Variants in MPDZ observed in about 807,000 individuals in gnomAD.
The protein encoded by MPDZ is multiple PDZ domain protein.
In MPDZ, 234 loss-of-function variants were observed where a neutral mutation model predicts 239.1. That is an observed-to-expected ratio of 0.98 (90% CI 0.88 to 1.09). The LOEUF is 1.09. MPDZ is among the 50% of genes least tolerant of loss of function. The pLI is 0.00. For synonymous variants in MPDZ, 1,048 were observed against 881.3 expected (o/e 1.19, Z -3.35); for missense variants, 3,175 against 2,510.0 (o/e 1.26, Z -5.66).
chr9:13,186,190 A>G, intron 18 of MPDZ, 80 bp downstream of exon 18: 1 of 663,190 alleles, frequency 1.5e-6, no homozygotes. Context: ...AATATAATAG[A>G]CTTCTTCAGA....
chr9:13,261,194 A>C (rs1970601124), intron 1 of MPDZ, among the ~76,000 whole-genome samples: 1 of 152,222 alleles, frequency 6.6e-6, no homozygotes, highest in African/African-American at 2.4e-5. Context: ...CAGAGTTATG[A>C]GACAGCAAAA....
intron 3 of MPDZ, among the ~76,000 whole-genome samples, chr9:13,241,686 G>A (rs1003770982): frequency 6.6e-6 from 1 of 152,162 alleles, no homozygotes; most frequent in Non-Finnish European, 1.5e-5. Context: ...AGTTAAAATA[G>A]AGCAAGAAAA....
intron 1 of MPDZ, among the ~76,000 whole-genome samples, chr9:13,259,936 C>T (rs1461220104): frequency 6.6e-6 from 1 of 152,112 alleles, no homozygotes; most frequent in African/African-American, 2.4e-5. Context: ...CAGGTTCAAG[C>T]TATTCTCGTG....
Position 13,134,657 on chromosome 9 carries a change from C to G in MPDZ, c.4384-753G>C, listed in dbSNP as rs180869488. Reference sequence around the variant, plus strand: ...ACATGTATCCAAAGCTTTCCTAAATCAAAACAAAACCACTCTCCCAATTCT... The same window carrying G: ...ACATGTATCCAAAGCTTTCCTAAATGAAAACAAAACCACTCTCCCAATTCT... On this transcript the variant is annotated intron_variant, in intron 31 of 46. Transcript: ENST00000319217. The G allele has an allele frequency of 4.2e-4, 64 of 152,186 alleles. 1 individual carries two copies. Among genetic ancestry groups the G allele is most frequent in the African/African-American group, 1.3e-3 (55 of 41,524 alleles). The allele number at this position is 152,186 out of a possible 1,614,324, so 9.4% of individuals were successfully genotyped here.
intron 3 of MPDZ, among the ~76,000 whole-genome samples, chr9:13,235,428 T>C (rs1313560024): frequency 6.6e-6 from 1 of 152,168 alleles, no homozygotes; most frequent in Non-Finnish European, 1.5e-5. Flanking sequence ...CACTAGGTGA[T>C]AGGGATAGTA....
rs1372053243 is a variant in MPDZ, at chr9:13,113,048, G to C, written c.5564C>G (p.Ser1855Cys). 1.9e-6 allele frequency: 3 copies of C among 1,580,688 alleles called. No individual in the cohort carries two copies. Among genetic ancestry groups the C allele is most frequent in the South Asian group, 2.3e-5 (2 of 86,064 alleles). ...ESSSKKNALA[S>C]EIQGLRTVEM... is the part of the protein sequence containing the mutation. ...GACTGTTCTTAATCCCTGTATTTCA[G>C]ATGCCACTGTAAAGGCAAAAAAGAT... The change falls in exon 42 of 47, where the codon TCT becomes TGT. Residue 1855 changes from serine to cysteine, a missense_variant. Transcript: ENST00000319217.
Position 13,139,215 on chromosome 9 carries a change from T to C in MPDZ, c.4003+772A>G, listed in dbSNP as rs537731828. ...CCACAATACAGCAGCACAACTTTTA[T>C]GTTCTGTACTTCCTAAAAAGATGTA... On this transcript the variant is annotated intron_variant, in intron 28 of 46. Transcript: ENST00000319217. 1.1e-3 allele frequency among the ~76,000 whole-genome samples: 165 copies of C among 152,356 alleles called. 1 individual carries two copies. Among genetic ancestry groups the C allele is most frequent in the African/African-American group, 3.8e-3 (157 of 41,590 alleles).
chr9:13,157,370 C>A (rs1000416680), intron 24 of MPDZ, among the ~76,000 whole-genome samples: 3 of 152,148 alleles, frequency 2.0e-5, no homozygotes, highest in Non-Finnish European at 4.4e-5. Context: ...GGATTTGCAT[C>A]TTCTATTTAT....
At chr9:13,163,480 A>G (rs1482067310) in intron 22 of MPDZ, among the ~76,000 whole-genome samples, 1 of 152,200 alleles carries the variant, frequency 6.6e-6, no homozygotes, top group African/African-American at 2.4e-5. Context: ...CTGAATGCCT[A>G]TTATGCGGAA....
At chr9:13,249,104 T>TCACACACACACACACA (rs199752806) in intron 2 of MPDZ, among the ~76,000 whole-genome samples, 3 of 145,808 alleles carry the variant, frequency 2.1e-5, no homozygotes, top group Non-Finnish European at 3.0e-5. Context: ...GATCATGGGT[T>TCACACACACACACACA]CACACACACA....
chr9:13,112,145 C>G lies in MPDZ; in HGVS notation c.5603G>C (p.Gly1868Ala). 1.2e-6 allele frequency: 2 copies of G among 1,609,166 alleles called. No individual in the cohort carries two copies. Among genetic ancestry groups the G allele is most frequent in the Non-Finnish European group, 1.7e-6 (2 of 1,177,454 alleles). ...QGLRTVEMKK[G>A]PTDSLGISIA... ...GCTGATTCCCAGTGAGTCAGTAGGG[C>G]CCTGCCATGGAACAGATATAAAATT... Residue 1868 changes from glycine (G) to alanine (A), a missense_variant and splice_region_variant, in exon 43 of 47, where the codon GGC (glycine) becomes GCC (alanine). Gly to Ala is a moderately conservative substitution (Grantham distance 60, BLOSUM62 0). Transcript: ENST00000319217.
At chr9:13,176,497 G>C (rs1047252783) in intron 19 of MPDZ, 80 bp from the exon 20 acceptor site, 1 of 1,107,814 alleles carries the variant, frequency 9.0e-7, no homozygotes, top group South Asian at 2.6e-5. Flanking sequence ...ACTTCTTAAT[G>C]AACAACTATT....
At chr9:13,110,818 C>T (rs1942333955) in intron 43 of MPDZ, 78 bp from the exon 44 acceptor site, 1 of 886,958 alleles carries the variant, frequency 1.1e-6, no homozygotes, top group Non-Finnish European at 1.8e-6. Flanking sequence ...GTATTCATTT[C>T]CTTCTCCACC....
At chr9:13,127,794 AG>A (rs923330287) in intron 32 of MPDZ, among the ~76,000 whole-genome samples, 2 of 152,234 alleles carry the variant, frequency 1.3e-5, no homozygotes, top group Admixed American at 1.3e-4. Context: ...TCTATCTGCC[AG>A]AGTAAGCTGC....
intron 1 of MPDZ, among the ~76,000 whole-genome samples, chr9:13,261,727 C>A (rs1429259381): frequency 6.6e-6 from 1 of 151,990 alleles, no homozygotes; most frequent in African/African-American, 2.4e-5. Context: ...AAACATAAAT[C>A]CACTGTTAAA....
At chr9:13,211,196 G>A (rs1490073790) in intron 10 of MPDZ, among the ~76,000 whole-genome samples, 1 of 151,976 alleles carries the variant, frequency 6.6e-6, no homozygotes, top group East Asian at 1.9e-4. Flanking sequence ...TTGGCCACAG[G>A]ATAACTTACT....
intron 24 of MPDZ, 32 bp downstream of exon 24, chr9:13,157,986 T>G: frequency 1.9e-6 from 3 of 1,558,378 alleles, no homozygotes; most frequent in Non-Finnish European, 2.7e-6. Flanking sequence ...TATATATCCA[T>G]TGGGTGGACA....
At chr9:13,205,339 T>G (rs1956870824) in intron 11 of MPDZ, among the ~76,000 whole-genome samples, 1 of 152,180 alleles carries the variant, frequency 6.6e-6, no homozygotes, top group African/African-American at 2.4e-5. Flanking sequence ...ATGGCATAAA[T>G]ATCAGAATGG....
At chr9:13,133,949 G>C in intron 31 of MPDZ, 45 bp from the exon 32 acceptor site, 1 of 1,141,000 alleles carries the variant, frequency 8.8e-7, no homozygotes, top group East Asian at 2.8e-5. Context: ...TGAGTGTTAG[G>C]AAATTTGATT....
Sources: allele counts gnomAD v4.1 joint callset (sites outside exome capture counted in the v4.1 genomes callset), GRCh38; gene constraint gnomAD v4.1.1; transcripts MANE v1.5; gene names NCBI Gene and HGNC (gene_info 2026-07-23, HGNC 2026-07-21).